The following SORCS2 variants were observed in gnomAD, a reference collection of about 807,000 sequenced individuals.
SORCS2 encodes sortilin related VPS10 domain containing receptor 2, also known as VPS10 domain-containing receptor SorCS2.
In SORCS2, 100 loss-of-function variants were observed where a neutral mutation model predicts 141.6. The observed-to-expected ratio is 0.71, with a 90% CI of 0.60 to 0.83. The LOEUF is 0.83. Among genes scored for constraint, SORCS2 ranks in the 40% least tolerant of loss-of-function variants. The probability of loss-of-function intolerance (pLI) is 0.00; values close to 1 mark genes in which losing one functional copy is unlikely to be tolerated. For synonymous variants in SORCS2, 789 were observed against 676.9 expected, an observed-to-expected ratio of 1.17 and a Z score of -2.57; for missense variants, 1,646 against 1,560.2, an observed-to-expected ratio of 1.05 and a Z score of -0.93.
intron 2 of SORCS2, among the ~76,000 whole-genome samples, chr4:7,477,376 C>T (rs76133985): frequency 1.9e-3 from 18 of 9,390 alleles, no homozygotes; most frequent in Non-Finnish European, 5.6e-3. Flanking sequence ...CCGTGGCTGA[C>T]CGTGGCTGAT....
chr4:7,525,753 C>T (rs1166577403), intron 2 of SORCS2, among the ~76,000 whole-genome samples: 1 of 114,924 alleles, frequency 8.7e-6, no homozygotes, highest in African/African-American at 3.6e-5. Context: ...TCACCTGTGC[C>T]CTCCTGCAAT....
At chr4:7,273,441 G>A (rs1027307631) in intron 1 of SORCS2, among the ~76,000 whole-genome samples, 18 of 152,174 alleles carry the variant, frequency 1.2e-4, no homozygotes, top group African/African-American at 3.4e-4. Flanking sequence ...TCTGGAACAC[G>A]GGTGTCTGCC....
intron 1 of SORCS2, among the ~76,000 whole-genome samples, chr4:7,359,532 C>T (rs1207162928): frequency 6.6e-6 from 1 of 152,202 alleles, no homozygotes; most frequent in Non-Finnish European, 1.5e-5. Flanking sequence ...ATGGCGGGAT[C>T]TAAAAATCCC....
At chr4:7,519,723 C>A (rs545259763) in intron 2 of SORCS2, among the ~76,000 whole-genome samples, 4 of 152,342 alleles carry the variant, frequency 2.6e-5, no homozygotes, top group Admixed American at 2.0e-4. Context: ...AGGGGAGGTC[C>A]CCGCAGCACC....
intron 3 of SORCS2, among the ~76,000 whole-genome samples, chr4:7,592,215 A>G (rs1486183609): frequency 6.6e-6 from 1 of 152,118 alleles, no homozygotes; most frequent in South Asian, 2.1e-4. Flanking sequence ...GGCTCCCCCA[A>G]CTACCCACTT....
chr4:7,348,657 T>G (rs1401227467), intron 1 of SORCS2, among the ~76,000 whole-genome samples: 3 of 152,216 alleles, frequency 2.0e-5, no homozygotes, highest in Non-Finnish European at 4.4e-5. Flanking sequence ...GTTCAAGAGA[T>G]TCTCCTGCCT....
chr4:7,348,852 C>G (rs116486576), intron 1 of SORCS2, among the ~76,000 whole-genome samples: 5,496 of 152,248 alleles, frequency 0.036, 162 homozygotes, highest in Non-Finnish European at 0.056. Context: ...TGCACCAGGC[C>G]GAATCTTGTG....
At chr4:7,419,905 A>G (rs575806497) in intron 2 of SORCS2, among the ~76,000 whole-genome samples, 35 of 152,304 alleles carry the variant, frequency 2.3e-4, no homozygotes, top group Middle Eastern at 3.4e-3. Context: ...CAATGGTCCA[A>G]TGTGGGTATT....
intron 2 of SORCS2, among the ~76,000 whole-genome samples, chr4:7,517,322 G>A (rs1308458419): frequency 2.6e-5 from 4 of 152,092 alleles, no homozygotes; most frequent in Non-Finnish European, 5.9e-5. Context: ...TTCCAGAGAG[G>A]GGCAGTTGTT....
At chr4:7,385,935 A>G (rs937409894) in intron 1 of SORCS2, among the ~76,000 whole-genome samples, 5 of 152,274 alleles carry the variant, frequency 3.3e-5, no homozygotes, top group Admixed American at 3.3e-4. Flanking sequence ...TGCTGTGTGT[A>G]CCAGCCCCAC....
At chr4:7,270,933 G>T (rs147731898) in intron 1 of SORCS2, among the ~76,000 whole-genome samples, 1 of 152,238 alleles carries the variant, frequency 6.6e-6, no homozygotes, top group African/African-American at 2.4e-5. Flanking sequence ...TCGCTTGTTC[G>T]TTTGTTGGTT....
intron 3 of SORCS2, among the ~76,000 whole-genome samples, chr4:7,572,158 T>G (rs1420046834): frequency 6.6e-6 from 1 of 152,196 alleles, no homozygotes; most frequent in Non-Finnish European, 1.5e-5. Flanking sequence ...TGGGTCTTCC[T>G]TGGGGCCAAA....
chr4:7,698,415 A>G (rs1427738223), intron 12 of SORCS2, among the ~76,000 whole-genome samples: 1 of 152,228 alleles, frequency 6.6e-6, no homozygotes, highest in Non-Finnish European at 1.5e-5. Context: ...AAAATATGCA[A>G]GAAACATAGA....
At chr4:7,311,570 G>A (rs1369840233) in intron 1 of SORCS2, among the ~76,000 whole-genome samples, 1 of 152,166 alleles carries the variant, frequency 6.6e-6, no homozygotes, top group Admixed American at 6.5e-5. Flanking sequence ...TTAGAGTCGT[G>A]TTTTTAGTTT....
At chr4:7,740,051 C>A (rs905958169) in intron 26 of SORCS2, 149 bp from the exon 27 acceptor site, 6 of 656,530 alleles carry the variant, frequency 9.1e-6, no homozygotes, top group African/African-American at 8.9e-5. Flanking sequence ...CCGCGGAGAC[C>A]CCCTGCACCT....
chr4:7,322,539 G>C (rs1718962836), intron 1 of SORCS2, among the ~76,000 whole-genome samples: 1 of 152,202 alleles, frequency 6.6e-6, no homozygotes, highest in Non-Finnish European at 1.5e-5. Context: ...ATGGTGCCCA[G>C]GGGGTTCACT....
At position 7,425,604 on chromosome 4, in the gene SORCS2, C is replaced by G. The variant is rs138362113; in HGVS notation, c.548+29249C>G. Among the ~76,000 whole-genome samples the G allele has an allele frequency of 2.2e-3, 331 of 152,326 alleles. 1 individual carries two copies. Among genetic ancestry groups the G allele is most frequent in the Middle Eastern group, 6.8e-3 (2 of 294 alleles). Reference sequence around the variant, plus strand: ...AGAGAAACGTCAGAGGCTTCTGAGCCGTCAAATGGTTGTCAGGAGGCCCAG... The same window carrying G: ...AGAGAAACGTCAGAGGCTTCTGAGCGGTCAAATGGTTGTCAGGAGGCCCAG... On this transcript the variant is annotated intron_variant, in intron 2 of 26. Coordinates refer to ENST00000507866, the MANE Select transcript of SORCS2 (RefSeq NM_020777.3).
At chr4:7,721,518 T>C (rs1008862990) in intron 18 of SORCS2, among the ~76,000 whole-genome samples, 3 of 152,084 alleles carry the variant, frequency 2.0e-5, no homozygotes, top group Non-Finnish European at 2.9e-5. Flanking sequence ...CTCAAGTGGA[T>C]TATGCCGAGT....
At chr4:7,387,794 A>ACATATGCACACG (rs1723526569) in intron 1 of SORCS2, among the ~76,000 whole-genome samples, 1 of 117,822 alleles carries the variant, frequency 8.5e-6, no homozygotes, top group Non-Finnish European at 2.0e-5. Flanking sequence ...AGGTACATGC[A>ACATATGCACACG]TGCTCACATG....
Sources: allele counts gnomAD v4.1 joint callset (sites outside exome capture counted in the v4.1 genomes callset), GRCh38; gene constraint gnomAD v4.1.1; transcripts MANE v1.5; gene names NCBI Gene and HGNC (gene_info 2026-07-23, HGNC 2026-07-21).